The following DSCAM variants were observed in gnomAD, a reference collection of about 807,000 sequenced individuals.
DSCAM encodes the protein DS cell adhesion molecule, also known as cell adhesion molecule DSCAM.
Under a neutral mutation model 217.7 loss-of-function variants are expected in DSCAM, and 47 were observed. The observed-to-expected ratio is 0.22, with a 90% CI of 0.17 to 0.28. The LOEUF (loss-of-function observed/expected upper bound fraction) is 0.28, where lower values mean the gene tolerates loss of function less well. Ranked by LOEUF, DSCAM falls within the 10% of genes least tolerant of loss-of-function variation. The pLI is 1.00. For missense variants in DSCAM, 2,080 were observed against 2,618.3 expected, an observed-to-expected ratio of 0.79 and a Z score of 4.49; for synonymous variants, 1,056 against 1,015.3, an observed-to-expected ratio of 1.04 and a Z score of -0.76.
At chr21:40,775,042 G>T (rs1601244157) in intron 1 of DSCAM, among the ~76,000 whole-genome samples, 1 of 151,688 alleles carries the variant, frequency 6.6e-6, no homozygotes, top group East Asian at 2.0e-4. Context: ...ACCCCTTGTT[G>T]GGTTTGTATC....
At chr21:40,256,583 G>C (rs2073375518) in intron 11 of DSCAM, among the ~76,000 whole-genome samples, 1 of 151,466 alleles carries the variant, frequency 6.6e-6, no homozygotes, top group South Asian at 2.1e-4. Context: ...TGTGCAGCTT[G>C]GGTCCGAAGG....
At chr21:40,114,033 G>T (rs1418256653) in intron 20 of DSCAM, among the ~76,000 whole-genome samples, 1 of 151,872 alleles carries the variant, frequency 6.6e-6, no homozygotes, top group African/African-American at 2.4e-5. Context: ...AGCTACCAAT[G>T]ACTTTCTTCA....
intron 32 of DSCAM, among the ~76,000 whole-genome samples, chr21:40,039,430 A>G (rs558567923): frequency 2.0e-5 from 3 of 152,296 alleles, no homozygotes; most frequent in African/African-American, 4.8e-5. Flanking sequence ...ATTTTAACCA[A>G]TTTAACCAGT....
chr21:40,211,377 C>T (rs2091182395), intron 11 of DSCAM, among the ~76,000 whole-genome samples: 1 of 152,164 alleles, frequency 6.6e-6, no homozygotes. Flanking sequence ...AACATAAATT[C>T]ATATTTCTTT....
intron 3 of DSCAM, among the ~76,000 whole-genome samples, chr21:40,376,647 TC>T (rs1451516958): frequency 6.9e-6 from 1 of 145,244 alleles, no homozygotes; most frequent in Non-Finnish European, 1.5e-5. Context: ...TATATAGATA[TC>T]GATATCTATA....
At chr21:40,581,150 G>A (rs771040610) in intron 3 of DSCAM, among the ~76,000 whole-genome samples, 7 of 152,186 alleles carry the variant, frequency 4.6e-5, no homozygotes, top group African/African-American at 1.4e-4. Context: ...CTTTTAAATC[G>A]TAAGAGAATC....
At chr21:40,316,073 G>A (rs890120323) in intron 8 of DSCAM, among the ~76,000 whole-genome samples, 5 of 152,042 alleles carry the variant, frequency 3.3e-5, no homozygotes, top group Admixed American at 3.3e-4. Context: ...ATAAGTCACG[G>A]TTAACATATT....
intron 1 of DSCAM, among the ~76,000 whole-genome samples, chr21:40,839,056 G>T (rs1331674062): frequency 6.6e-6 from 1 of 152,118 alleles, no homozygotes; most frequent in African/African-American, 2.4e-5. Context: ...TTAGCTAAGT[G>T]ATATATGCCA....
chr21:40,480,329 C>T (rs1252982540), intron 3 of DSCAM, among the ~76,000 whole-genome samples: 1 of 152,090 alleles, frequency 6.6e-6, no homozygotes, highest in Admixed American at 6.5e-5. Flanking sequence ...TTTCCCAAAG[C>T]CTTTTAGGGA....
At position 40,369,142 on chromosome 21, in the gene DSCAM, G is replaced by A. The variant is rs549966603; in HGVS notation, c.612C>T (p.Thr204=). 232 of 1,612,804 alleles carry A rather than the reference G, an allele frequency of 1.4e-4. 2 individuals carry two copies. In the East Asian group the frequency reaches 2.7e-3, roughly 19 times the overall value. ...CGCTGTTGCTCTGCCTCGTCTCTCC[G>A]GTGTATCGATGCCGCGTGATGCAGC... ...NYRCITRHRY[T]GETRQSNSAR... The change falls in exon 4 of 33, where the codon ACC becomes ACT. Residue 204 remains threonine, a synonymous_variant. Coordinates refer to ENST00000400454, the MANE Select transcript of DSCAM (RefSeq NM_001389.5).
intron 3 of DSCAM, among the ~76,000 whole-genome samples, chr21:40,370,000 T>C (rs1440606261): frequency 6.6e-6 from 1 of 152,162 alleles, no homozygotes; most frequent in Admixed American, 6.5e-5. Flanking sequence ...CAATGTCCTA[T>C]CTGTAACCTC....
chr21:40,460,449 T>C (rs1216404808), intron 3 of DSCAM, among the ~76,000 whole-genome samples: 3 of 152,188 alleles, frequency 2.0e-5, no homozygotes, highest in Admixed American at 6.5e-5. Flanking sequence ...CTGAGTATGA[T>C]ACAAAATTAT....
At chr21:40,360,819 G>A (rs1389504491) in intron 4 of DSCAM, among the ~76,000 whole-genome samples, 1 of 152,084 alleles carries the variant, frequency 6.6e-6, no homozygotes, top group Non-Finnish European at 1.5e-5. Context: ...TTTTCTTTTG[G>A]ATATATTACT....
chr21:40,081,882 A>T (rs934152996), intron 24 of DSCAM, among the ~76,000 whole-genome samples: 2 of 152,312 alleles, frequency 1.3e-5, no homozygotes, highest in African/African-American at 4.8e-5. Flanking sequence ...TTCATCTGGA[A>T]GACCTTGTGC....
At chr21:40,048,286 C>T (rs1164515589) in intron 30 of DSCAM, among the ~76,000 whole-genome samples, 1 of 152,214 alleles carries the variant, frequency 6.6e-6, no homozygotes, top group Non-Finnish European at 1.5e-5. Flanking sequence ...TTTTCTTTTC[C>T]ATTCCCATTG....
intron 27 of DSCAM, among the ~76,000 whole-genome samples, chr21:40,064,708 A>G (rs1368091701): frequency 6.6e-6 from 1 of 152,210 alleles, no homozygotes; most frequent in Non-Finnish European, 1.5e-5. Flanking sequence ...ATTCACATGC[A>G]TCGGAATTAT....
rs946313482 is a variant in DSCAM at position 40,070,399 on chromosome 21, A to G, written c.4888+4638T>C. ...AGAGAAAAGCAAGGAAGGAAGGAAA[A>G]GAAAAGAAAAGAAAAGAAAAAGAAA... is the stretch of plus-strand genomic sequence containing the variant. On this transcript the variant is annotated intron_variant, in intron 27 of 32. Transcript: ENST00000400454. Among the ~76,000 whole-genome samples, 879 of 100,632 alleles carry G rather than the reference A, an allele frequency of 8.7e-3. 15 individuals carry two copies. Among genetic ancestry groups the G allele is most frequent in the African/African-American group, 0.026 (842 of 32,372 alleles). 66.0% of individuals were successfully genotyped at this position (100,632 alleles called of 152,430 possible). A position where few individuals can be genotyped will look rare whatever the true frequency, so the allele number is the denominator to read the frequency against.
intron 3 of DSCAM, among the ~76,000 whole-genome samples, chr21:40,503,598 T>C (rs2076187324): frequency 6.6e-6 from 1 of 152,156 alleles, no homozygotes; most frequent in African/African-American, 2.4e-5. Flanking sequence ...CATCCGCTGA[T>C]TTTCAGTGGG....
At chr21:40,515,908 T>C (rs918249960) in intron 3 of DSCAM, among the ~76,000 whole-genome samples, 2 of 150,074 alleles carry the variant, frequency 1.3e-5, no homozygotes, top group Middle Eastern at 3.2e-3. Flanking sequence ...GAACATGATA[T>C]ACTTTTTAAA....
Sources: allele counts gnomAD v4.1 joint callset (sites outside exome capture counted in the v4.1 genomes callset), GRCh38; gene constraint gnomAD v4.1.1; transcripts MANE v1.5; gene names NCBI Gene and HGNC (gene_info 2026-07-23, HGNC 2026-07-21).